The following TMEM117 variants were observed in gnomAD, a reference collection of about 807,000 sequenced individuals.
TMEM117 encodes the protein transmembrane protein 117.
Under a neutral mutation model 52.4 loss-of-function variants are expected in TMEM117, and 27 were observed. The observed-to-expected ratio is 0.51, with a 90% CI of 0.38 to 0.71. TMEM117 has a LOEUF of 0.71. Ranked by LOEUF, TMEM117 falls within the 30% of genes least tolerant of loss-of-function variation. TMEM117 has a pLI of 0.00. For synonymous variants in TMEM117, 215 were observed against 206.3 expected, an observed-to-expected ratio of 1.04 and a Z score of -0.36; for missense variants, 556 against 630.5, an observed-to-expected ratio of 0.88 and a Z score of 1.26.
In TMEM117 at chr12:43,914,520, C is replaced by T. The variant is rs1427780758; in HGVS notation, c.278-29690C>T. On this transcript the variant is annotated intron_variant, in intron 2 of 7. Coordinates refer to ENST00000266534, the MANE Select transcript of TMEM117 (RefSeq NM_032256.3). ...AATTCAGTGGAGAACAAGACAGACA[C>T]AGGCCCTGCCAATGGAGCTTTCAGC... 5.3e-5 allele frequency among the ~76,000 whole-genome samples: 8 copies of T among 152,280 alleles called. No individual in the cohort carries two copies. The East Asian group carries it at 1.5e-3, about 29-fold the overall frequency.
At chr12:44,016,654 T>C (rs1190320653) in intron 3 of TMEM117, among the ~76,000 whole-genome samples, 1 of 152,214 alleles carries the variant, frequency 6.6e-6, no homozygotes, top group Non-Finnish European at 1.5e-5. Context: ...CCCTTTATTC[T>C]TTAGTGGAAA....
intron 4 of TMEM117, 55 bp downstream of exon 4, chr12:44,143,679 A>G (rs903377210): frequency 1.6e-5 from 21 of 1,294,878 alleles, no homozygotes; most frequent in Non-Finnish European, 2.3e-5. Flanking sequence ...ACATGTTCAC[A>G]GTGTTGGACA....
intron 5 of TMEM117, among the ~76,000 whole-genome samples, chr12:44,221,767 C>A (rs569319991): frequency 2.0e-5 from 3 of 151,688 alleles, no homozygotes; most frequent in African/African-American, 7.3e-5. Context: ...GGCATGATCG[C>A]GGCTCACTGC....
intron 3 of TMEM117, among the ~76,000 whole-genome samples, chr12:44,048,487 A>G (rs1276655000): frequency 6.6e-6 from 1 of 152,182 alleles, no homozygotes; most frequent in Admixed American, 6.5e-5. Context: ...TTAAAGGTTA[A>G]ACATTTTCCT....
intron 6 of TMEM117, among the ~76,000 whole-genome samples, chr12:44,331,707 G>A (rs1227483958): frequency 6.6e-6 from 1 of 151,926 alleles, no homozygotes; most frequent in South Asian, 2.1e-4. Flanking sequence ...GCTTCCTATA[G>A]AATTCAACAA....
intron 7 of TMEM117, 63 bp downstream of exon 7, chr12:44,376,787 G>T: frequency 6.7e-7 from 1 of 1,490,098 alleles, no homozygotes; most frequent in Non-Finnish European, 9.0e-7. Context: ...AATGCTAGTT[G>T]CTGTAAAAAG....
chr12:43,851,142 A>C (rs1170187389), intron 2 of TMEM117, among the ~76,000 whole-genome samples: 1 of 152,170 alleles, frequency 6.6e-6, no homozygotes, highest in African/African-American at 2.4e-5. Context: ...GTCTCTTCTT[A>C]GTAGATTCCA....
chr12:44,364,157 C>T (rs1052120336), intron 6 of TMEM117, among the ~76,000 whole-genome samples: 4 of 152,140 alleles, frequency 2.6e-5, no homozygotes, highest in Non-Finnish European at 5.9e-5. Flanking sequence ...CTATGGTTCA[C>T]CAAGTACAAT....
At chr12:44,172,755 C>T (rs906615290) in intron 4 of TMEM117, among the ~76,000 whole-genome samples, 9 of 152,104 alleles carry the variant, frequency 5.9e-5, no homozygotes, top group East Asian at 3.9e-4. Context: ...GACTGAGTTT[C>T]GCTGTGTCAC....
chr12:43,960,879 C>T (rs1945391786), intron 3 of TMEM117, among the ~76,000 whole-genome samples: 1 of 152,070 alleles, frequency 6.6e-6, no homozygotes, highest in Non-Finnish European at 1.5e-5. Flanking sequence ...ACATCATCAT[C>T]ATCATTAATC....
At chr12:44,374,668 G>C (rs186965873) in intron 6 of TMEM117, among the ~76,000 whole-genome samples, 184 of 151,302 alleles carry the variant, frequency 1.2e-3, no homozygotes, top group Non-Finnish European at 1.9e-3. Context: ...GTGTGTGTAT[G>C]AGATTTTTAT....
At chr12:44,195,951 G>A (rs564125593) in intron 4 of TMEM117, among the ~76,000 whole-genome samples, 1 of 151,746 alleles carries the variant, frequency 6.6e-6, no homozygotes, top group African/African-American at 2.4e-5. Flanking sequence ...TGGGCATGGT[G>A]ACACATACTT....
chr12:43,979,943 G>A (rs74084784), intron 3 of TMEM117, among the ~76,000 whole-genome samples: 1,665 of 152,258 alleles, frequency 0.011, 31 homozygotes, highest in African/African-American at 0.038. Flanking sequence ...TTGTAAATGG[G>A]CTAGCGGCTC....
chr12:43,797,933 A>G, the TMEM117 span: 2 of 1,206,120 alleles, frequency 1.7e-6, no homozygotes, highest in Non-Finnish European at 2.3e-6. Flanking sequence ...ATTCAACCCT[A>G]GCCCAACCTA....
At chr12:44,221,486 A>G in intron 5 of TMEM117, among the ~76,000 whole-genome samples, 1 of 152,136 alleles carries the variant, frequency 6.6e-6, no homozygotes, top group East Asian at 1.9e-4. Context: ...AAATGTGCAA[A>G]AAGTTAGAAT....
chr12:43,833,920 C>G (rs151141726), upstream of TMEM117, among the ~76,000 whole-genome samples: 1 of 152,184 alleles, frequency 6.6e-6, no homozygotes, highest in Non-Finnish European at 1.5e-5. Context: ...TGGCAAAACC[C>G]TGTCTCTACA....
intron 6 of TMEM117, among the ~76,000 whole-genome samples, chr12:44,320,333 C>T (rs1951114358): frequency 6.6e-6 from 1 of 152,142 alleles, no homozygotes; most frequent in South Asian, 2.1e-4. Flanking sequence ...CAACTTTTGC[C>T]TATATTAGTA....
At chr12:44,207,876 A>G (rs1791972720) in intron 4 of TMEM117, among the ~76,000 whole-genome samples, 1 of 151,936 alleles carries the variant, frequency 6.6e-6, no homozygotes, top group Non-Finnish European at 1.5e-5. Context: ...AATAGTGCAC[A>G]TAATGGTATA....
chr12:44,009,168 G>A, intron 3 of TMEM117: 2 of 276,830 alleles, frequency 7.2e-6, no homozygotes, highest in Middle Eastern at 5.8e-4. Flanking sequence ...TGCTGTTTCT[G>A]TACCTTGTGT....
Sources: gnomAD v4.1 joint callset for allele counts (sites outside exome capture counted in the v4.1 genomes callset) on GRCh38, gnomAD v4.1.1 for gene constraint, MANE v1.5 for transcripts, NCBI Gene and HGNC (gene_info 2026-07-23, HGNC 2026-07-21) for gene names.